SLIT3: variants seen among roughly 807,000 people sequenced by gnomAD.
SLIT3 encodes slit homolog 3 protein.
A neutral mutation model predicts 184.0 loss-of-function variants in SLIT3; 68 were observed. The ratio of observed to expected loss-of-function variants is 0.37; its 90% confidence interval spans 0.30 to 0.45. SLIT3 has a LOEUF of 0.45. SLIT3 is among the 20% of genes least tolerant of loss of function. SLIT3 has a pLI of 1.00. For synonymous variants in SLIT3, 831 were observed against 828.6 expected (o/e 1.00, Z -0.05); for missense variants, 1,707 against 2,026.0 (o/e 0.84, Z 3.02).
chr5:169,074,376 G>A (rs1471795985), intron 4 of SLIT3, among the ~76,000 whole-genome samples: 4 of 152,182 alleles, frequency 2.6e-5, no homozygotes, highest in Middle Eastern at 3.4e-3. Flanking sequence ...TGTGTATCCT[G>A]AGTGATACAA....
intron 12 of SLIT3, among the ~76,000 whole-genome samples, chr5:168,775,236 C>T (rs888943249): frequency 6.6e-6 from 1 of 151,856 alleles, no homozygotes; most frequent in African/African-American, 2.4e-5. Context: ...CGGGGTTTCA[C>T]CATGTTGGCC....
At chr5:168,673,738 CTG>C (rs1235358320) in intron 32 of SLIT3, among the ~76,000 whole-genome samples, 1 of 152,222 alleles carries the variant, frequency 6.6e-6, no homozygotes, top group Non-Finnish European at 1.5e-5. Context: ...AGTCTATTAT[CTG>C]TATTCCAGTT....
At chr5:168,994,471 C>T (rs1039473802) in intron 4 of SLIT3, among the ~76,000 whole-genome samples, 2 of 152,044 alleles carry the variant, frequency 1.3e-5, no homozygotes, top group African/African-American at 4.8e-5. Context: ...TCTCAATCCC[C>T]TCTTACTCCC....
chr5:169,189,994 A>T (rs567985867), intron 4 of SLIT3, among the ~76,000 whole-genome samples: 2 of 152,216 alleles, frequency 1.3e-5, no homozygotes, highest in Non-Finnish European at 2.9e-5. Context: ...ACTAGCAGAC[A>T]TCTGTTGTTT....
intron 9 of SLIT3, among the ~76,000 whole-genome samples, chr5:168,800,831 T>C (rs948604164): frequency 1.3e-5 from 2 of 152,206 alleles, no homozygotes; most frequent in African/African-American, 4.8e-5. Flanking sequence ...TATTTTTTTG[T>C]CTTAGAACAA....
At chr5:168,948,984 G>T (rs1022561705) in intron 4 of SLIT3, among the ~76,000 whole-genome samples, 6 of 152,166 alleles carry the variant, frequency 3.9e-5, no homozygotes, top group African/African-American at 1.4e-4. Context: ...ACACCTGGCT[G>T]CCCTTCAGGC....
At chr5:168,674,105 T>C (rs1012404606) in intron 32 of SLIT3, among the ~76,000 whole-genome samples, 4 of 152,238 alleles carry the variant, frequency 2.6e-5, no homozygotes, top group South Asian at 2.1e-4. Context: ...TAGTTTGCTA[T>C]TGTCCCCCCT....
chr5:168,734,704 C>A (rs1031465171), intron 20 of SLIT3, among the ~76,000 whole-genome samples: 1 of 152,210 alleles, frequency 6.6e-6, no homozygotes, highest in Non-Finnish European at 1.5e-5. Flanking sequence ...CTTTTCATCA[C>A]AGCATTTGAC....
At chr5:168,903,109 T>G (rs1760925664) in intron 4 of SLIT3, among the ~76,000 whole-genome samples, 1 of 152,234 alleles carries the variant, frequency 6.6e-6, no homozygotes, top group Non-Finnish European at 1.5e-5. Context: ...TGTGCTGATT[T>G]GAAGAGCCAA....
chr5:168,947,080 A>G (rs1355126719), intron 4 of SLIT3, among the ~76,000 whole-genome samples: 1 of 152,224 alleles, frequency 6.6e-6, no homozygotes, highest in Non-Finnish European at 1.5e-5. Flanking sequence ...TCTGCATGAG[A>G]AAGTCAGTAT....
At chr5:169,006,062 C>T (rs545072578) in intron 4 of SLIT3, among the ~76,000 whole-genome samples, 1 of 152,308 alleles carries the variant, frequency 6.6e-6, no homozygotes, top group South Asian at 2.1e-4. Flanking sequence ...AGGCCCAGTT[C>T]CAGCCTTGCA....
At chr5:169,294,242 T>C (rs1423727272) in intron 1 of SLIT3, among the ~76,000 whole-genome samples, 2 of 119,264 alleles carry the variant, frequency 1.7e-5, no homozygotes, top group Non-Finnish European at 3.5e-5. Flanking sequence ...TAAGGAAAAA[T>C]AGAAGGAATG....
At chr5:168,802,631 C>T (rs1352844496) in intron 9 of SLIT3, among the ~76,000 whole-genome samples, 2 of 152,220 alleles carry the variant, frequency 1.3e-5, no homozygotes, top group African/African-American at 4.8e-5. Context: ...AGAACCTATT[C>T]TCTCAACCAT....
At chr5:168,953,082 C>T (rs1762715695) in intron 4 of SLIT3, among the ~76,000 whole-genome samples, 3 of 152,122 alleles carry the variant, frequency 2.0e-5, no homozygotes, top group Non-Finnish European at 2.9e-5. Flanking sequence ...TGGAGGATTC[C>T]GGCTAAACAG....
intron 6 of SLIT3, among the ~76,000 whole-genome samples, chr5:168,829,219 T>C (rs1757803710): frequency 6.6e-6 from 1 of 152,252 alleles, no homozygotes; most frequent in Admixed American, 6.5e-5. Context: ...TTTCACTCTG[T>C]GCTTTCCTGG....
intron 4 of SLIT3, among the ~76,000 whole-genome samples, chr5:169,127,011 C>T (rs1453668116): frequency 6.6e-6 from 1 of 152,140 alleles, no homozygotes; most frequent in Non-Finnish European, 1.5e-5. Flanking sequence ...CAAAAGATTC[C>T]CCAGATGACT....
chr5:169,144,900 T>G (rs965044480), intron 4 of SLIT3, among the ~76,000 whole-genome samples: 1 of 152,202 alleles, frequency 6.6e-6, no homozygotes, highest in African/African-American at 2.4e-5. Context: ...GGACGATGCA[T>G]GCTCCTTCCC....
chr5:169,178,047 T>C (rs1419741424), intron 4 of SLIT3, among the ~76,000 whole-genome samples: 4 of 152,250 alleles, frequency 2.6e-5, no homozygotes, highest in Non-Finnish European at 5.9e-5. Context: ...CCTAGTGCTT[T>C]GGTAGAACCA....
chr5:169,023,443 C>T (rs1352901273), intron 4 of SLIT3, among the ~76,000 whole-genome samples: 10 of 152,134 alleles, frequency 6.6e-5, no homozygotes, highest in Admixed American at 1.3e-4. Context: ...CATCTGTTTT[C>T]GAAACAGCTC....
Sources: allele counts gnomAD v4.1 joint callset (sites outside exome capture counted in the v4.1 genomes callset), GRCh38; gene constraint gnomAD v4.1.1; transcripts MANE v1.5; gene names NCBI Gene and HGNC (gene_info 2026-07-23, HGNC 2026-07-21).